Variants in GPI observed in about 807,000 individuals in gnomAD.
The protein encoded by GPI is glucose-6-phosphate isomerase, also known as D-hexose-6-phosphate anomerase.
In GPI, 56 loss-of-function variants were observed where a neutral mutation model predicts 75.8. The observed-to-expected ratio is 0.74, with a 90% CI of 0.60 to 0.92. GPI has a LOEUF of 0.92. GPI is among the 40% of genes least tolerant of loss of function. GPI has a pLI of 0.00. For missense variants in GPI, 638 were observed against 741.0 expected (o/e 0.86, Z 1.61); for synonymous variants, 288 against 285.4 (o/e 1.01, Z -0.09).
chr19:34,377,635 G>T, intron 5 of GPI, 49 bp downstream of exon 5: 5 of 1,580,294 alleles, frequency 3.2e-6, no homozygotes, highest in African/African-American at 1.3e-5. Flanking sequence ...GGCACTGTTG[G>T]TCCCACTCAG....
chr19:34,368,443 C>T, intron 3 of GPI, 140 bp from the exon 4 acceptor site: 2 of 857,454 alleles, frequency 2.3e-6, no homozygotes, highest in South Asian at 1.6e-5. Context: ...GTTCTTGGAA[C>T]AAGGTTATGG....
chr19:34,399,876 T>G, intron 17 of GPI, 25 bp from the exon 18 acceptor site: 1 of 1,609,592 alleles, frequency 6.2e-7, no homozygotes, highest in Non-Finnish European at 8.5e-7. Context: ...CATACCACTC[T>G]TCCCTTCCCT....
At chr19:34,366,005 G>A (rs1475909883) in intron 1 of GPI, 8 of 554,712 alleles carry the variant, frequency 1.4e-5, no homozygotes, top group East Asian at 1.3e-4. Context: ...CGGGCTAGAC[G>A]TCCCGATGGC....
intron 8 of GPI, chr19:34,381,038 G>A (rs1348535139): frequency 7.4e-5 from 24 of 323,550 alleles, no homozygotes; most frequent in Middle Eastern, 1.1e-3. Flanking sequence ...TGGCTGTTCA[G>A]CCTGTGTTTG....
intron 9 of GPI, among the ~76,000 whole-genome samples, chr19:34,383,069 G>C (rs955524907): frequency 6.6e-6 from 1 of 152,304 alleles, no homozygotes; most frequent in Non-Finnish European, 1.5e-5. Flanking sequence ...GAAGAGTCCC[G>C]TCTGGTAGGG....
intron 9 of GPI, among the ~76,000 whole-genome samples, chr19:34,391,783 G>C (rs560883245): frequency 0.25 from 269 of 1,080 alleles, 1 homozygote; most frequent in African/African-American, 0.43. Flanking sequence ...GGATCTTCTA[G>C]TGTCTGAGGA....
intron 1 of GPI, 94 bp downstream of exon 1, chr19:34,365,482 G>A: frequency 6.7e-7 from 1 of 1,500,474 alleles, no homozygotes; most frequent in Non-Finnish European, 8.9e-7. Flanking sequence ...CGGTGCCCGG[G>A]GACCCCAGTC....
intron 9 of GPI, among the ~76,000 whole-genome samples, chr19:34,387,418 C>T (rs936800572): frequency 4.1e-5 from 6 of 146,544 alleles, no homozygotes; most frequent in East Asian, 4.1e-4. Flanking sequence ...AGTGAGTCTA[C>T]GGATCCAGGC....
Position 34,394,008 on chromosome 19 carries a change from C to G in GPI, c.1004C>G (p.Thr335Arg). ...IWYINCFGCETHAMLPYDQYL... is the reference protein window; with the variant it reads ...IWYINCFGCERHAMLPYDQYL... ...TACATCAACTGCTTTGGGTGTGAGA[C>G]ACACGCCATGCTGCCCTATGACCAG... The change falls in exon 12 of 18, where the codon ACA (threonine) becomes AGA (arginine). Residue 335 changes from threonine to arginine, a missense_variant. Coordinates refer to ENST00000356487, the MANE Select transcript of GPI (RefSeq NM_000175.5). 6.2e-7 allele frequency: 1 copy of G among 1,613,276 alleles called. No individual in the cohort carries two copies.
intron 4 of GPI, among the ~76,000 whole-genome samples, chr19:34,374,127 C>T (rs946918182): frequency 1.3e-4 from 19 of 145,222 alleles, no homozygotes; most frequent in African/African-American, 4.4e-4. Context: ...CCACCATGCC[C>T]GCCTTTTTTT....
At chr19:34,385,059 G>T (rs1277968629) in intron 9 of GPI, among the ~76,000 whole-genome samples, 1 of 151,662 alleles carries the variant, frequency 6.6e-6, no homozygotes, top group Non-Finnish European at 1.5e-5. Context: ...AAAAGCGGGG[G>T]TTGGGTGTGG....
chr19:34,397,683 T>A (rs773334650), intron 14 of GPI: 3 of 151,774 alleles, frequency 2.0e-5, no homozygotes, highest in Non-Finnish European at 2.9e-5. Context: ...ACTGTTAAAC[T>A]TTTTGTAGAG....
chr19:34,401,027 ATT>A lies in GPI; in HGVS notation c.*1006_*1007del, dbSNP rs762852092. 3.5e-4 allele frequency: 35 copies of A among 101,166 alleles called. No individual in the cohort carries two copies. Among genetic ancestry groups the A allele is most frequent in the East Asian group, 1.1e-3 (4 of 3,772 alleles). 6.3% of individuals were successfully genotyped at this position (101,166 alleles called of 1,614,324 possible). A position where few individuals can be genotyped will look rare whatever the true frequency, so the allele number is the denominator to read the frequency against. On this transcript the variant is annotated 3_prime_UTR_variant, in exon 18 of 18. Transcript: ENST00000356487. ...AGGTATGAGCCACCACGCCCGGCCCATTTTTTTTTTTTTTTTGACAACTTTTT... is the reference window on the plus strand; with the variant it reads ...AGGTATGAGCCACCACGCCCGGCCCATTTTTTTTTTTTTTGACAACTTTTT...
intron 9 of GPI, among the ~76,000 whole-genome samples, chr19:34,390,134 A>C (rs1028572952): frequency 2.0e-5 from 3 of 152,134 alleles, no homozygotes; most frequent in African/African-American, 7.2e-5. Context: ...GGAGTTGGGA[A>C]TGGGCACAGG....
At chr19:34,365,554 C>T (rs1162692876) in intron 1 of GPI, 166 bp downstream of exon 1, 2 of 1,157,142 alleles carry the variant, frequency 1.7e-6, no homozygotes, top group Admixed American at 4.0e-5. Context: ...TTGGAGTCTC[C>T]TTGGAGTGCG....
At chr19:34,384,232 G>A (rs2074698588) in intron 9 of GPI, among the ~76,000 whole-genome samples, 1 of 152,178 alleles carries the variant, frequency 6.6e-6, no homozygotes. Context: ...ACCAGACAAA[G>A]GGATGGGGTC....
chr19:34,392,947 G>T, intron 9 of GPI: 2 of 457,210 alleles, frequency 4.4e-6, no homozygotes, highest in South Asian at 4.1e-5. Flanking sequence ...GAGGAGGTGG[G>T]CCCTGGCACA....
At chr19:34,396,203 G>A in intron 12 of GPI, 98 bp from the exon 13 acceptor site, 1 of 1,406,444 alleles carries the variant, frequency 7.1e-7, no homozygotes, top group South Asian at 1.2e-5. Context: ...CTCCCAAAGT[G>A]CTGGAATTAC....
chr19:34,369,672 A>G (rs1262576275), intron 4 of GPI, among the ~76,000 whole-genome samples: 1 of 150,548 alleles, frequency 6.6e-6, no homozygotes, highest in East Asian at 2.0e-4. Context: ...GCGCCACTGC[A>G]CTCCAGCCTG....
Sources: gnomAD v4.1 joint callset for allele counts (sites outside exome capture counted in the v4.1 genomes callset) on GRCh38, gnomAD v4.1.1 for gene constraint, MANE v1.5 for transcripts, NCBI Gene and HGNC (gene_info 2026-07-23, HGNC 2026-07-21) for gene names.